The following ADAMTS17 variants were observed in gnomAD, a reference collection of about 807,000 sequenced individuals.
ADAMTS17 encodes ADAM metallopeptidase with thrombospondin type 1 motif 17.
In ADAMTS17, 113 loss-of-function variants were observed where a neutral mutation model predicts 141.5. That is an observed-to-expected ratio of 0.80 (90% CI 0.69 to 0.93). The LOEUF is 0.93. ADAMTS17 is among the 40% of genes least tolerant of loss of function. The probability of loss-of-function intolerance (pLI) is 0.00; values close to 1 mark genes in which losing one functional copy is unlikely to be tolerated. For missense variants in ADAMTS17, 1,659 were observed against 1,517.9 expected (o/e 1.09, Z -1.54); for synonymous variants, 768 against 630.6 (o/e 1.22, Z -3.27).
intron 7 of ADAMTS17, among the ~76,000 whole-genome samples, chr15:100,251,170 A>G (rs2043141405): frequency 6.6e-6 from 1 of 152,246 alleles, no homozygotes; most frequent in Admixed American, 6.5e-5. Flanking sequence ...ATCAGGAGAT[A>G]GGCTGGTTCT....
intron 20 of ADAMTS17, among the ~76,000 whole-genome samples, chr15:99,984,858 A>G (rs2060553231): frequency 6.6e-6 from 1 of 152,198 alleles, no homozygotes; most frequent in Non-Finnish European, 1.5e-5. Flanking sequence ...GGGGCATGGG[A>G]TGACCAGGCT....
chr15:100,091,959 T>C (rs955183383), intron 15 of ADAMTS17, among the ~76,000 whole-genome samples: 1 of 152,216 alleles, frequency 6.6e-6, no homozygotes, highest in Non-Finnish European at 1.5e-5. Context: ...GGCTAGACTG[T>C]GCCTTGGTTC....
chr15:100,198,727 T>A lies in ADAMTS17; in HGVS notation c.1181+591A>T, dbSNP rs188801289. Among the ~76,000 whole-genome samples the A allele has an allele frequency of 6.6e-5, 10 of 152,266 alleles. No homozygotes were observed. The East Asian group carries it at 1.7e-3, about 26-fold the overall frequency. On this transcript the variant is annotated intron_variant, in intron 8 of 21. Coordinates refer to ENST00000268070, the MANE Select transcript of ADAMTS17 (RefSeq NM_139057.4). ...ATGGTCACAACCTGGGGCCAGCCACTCAACAACCCCTCTGACGCTCTGTTT... is the reference window on the plus strand; with the variant it reads ...ATGGTCACAACCTGGGGCCAGCCACACAACAACCCCTCTGACGCTCTGTTT...
intron 3 of ADAMTS17, among the ~76,000 whole-genome samples, chr15:100,311,926 G>T (rs73485936): frequency 6.6e-6 from 1 of 152,136 alleles, no homozygotes; most frequent in Non-Finnish European, 1.5e-5. Flanking sequence ...GACGGATCAA[G>T]AATGCATGGT....
intron 20 of ADAMTS17, among the ~76,000 whole-genome samples, chr15:99,990,897 C>A (rs778338308): frequency 2.0e-5 from 3 of 152,120 alleles, no homozygotes; most frequent in Non-Finnish European, 4.4e-5. Context: ...CTTTGACAAC[C>A]CTGACAAAAA....
At chr15:100,333,098 A>G (rs1284756298) in intron 2 of ADAMTS17, among the ~76,000 whole-genome samples, 2 of 152,062 alleles carry the variant, frequency 1.3e-5, no homozygotes, top group African/African-American at 2.4e-5. Context: ...AATACCCACC[A>G]GCCTTCCTTC....
chr15:100,212,539 C>A (rs1200641771), intron 7 of ADAMTS17, among the ~76,000 whole-genome samples: 2 of 151,966 alleles, frequency 1.3e-5, no homozygotes, highest in Non-Finnish European at 2.9e-5. Context: ...TCCATAACCT[C>A]AGAAAGGTTA....
chr15:100,194,102 C>T (rs368783365), intron 8 of ADAMTS17, among the ~76,000 whole-genome samples: 9 of 152,214 alleles, frequency 5.9e-5, no homozygotes, highest in African/African-American at 2.2e-4. Context: ...ATATCCTCTT[C>T]GTTTTTCTGA....
intron 7 of ADAMTS17, among the ~76,000 whole-genome samples, chr15:100,249,658 C>T (rs998146105): frequency 1.9e-4 from 29 of 152,190 alleles, no homozygotes; most frequent in African/African-American, 6.3e-4. Context: ...CCCAGCCTGG[C>T]GGCAGCCCCC....
At chr15:100,234,518 T>C (rs2042593154) in intron 7 of ADAMTS17, among the ~76,000 whole-genome samples, 1 of 152,206 alleles carries the variant, frequency 6.6e-6, no homozygotes, top group African/African-American at 2.4e-5. Context: ...TCCCTGCTTT[T>C]CCAATTCCCT....
chr15:100,247,593 C>T (rs538445291), intron 7 of ADAMTS17, among the ~76,000 whole-genome samples: 4 of 152,266 alleles, frequency 2.6e-5, no homozygotes, highest in African/African-American at 7.2e-5. Flanking sequence ...CACAGTCAGA[C>T]GGGCCCGTTT....
At chr15:100,282,119 A>G (rs796385968) in intron 3 of ADAMTS17, among the ~76,000 whole-genome samples, 1 of 152,352 alleles carries the variant, frequency 6.6e-6, no homozygotes, top group African/African-American at 2.4e-5. Context: ...CTACAGGTCC[A>G]AATCTGCCAT....
At chr15:100,306,891 G>T (rs1771380629) in intron 3 of ADAMTS17, among the ~76,000 whole-genome samples, 1 of 152,146 alleles carries the variant, frequency 6.6e-6, no homozygotes, top group Non-Finnish European at 1.5e-5. Flanking sequence ...TCTTAGAAGG[G>T]CCTTTCACCT....
intron 4 of ADAMTS17, among the ~76,000 whole-genome samples, chr15:100,278,083 C>G (rs2044158728): frequency 6.6e-6 from 1 of 151,900 alleles, no homozygotes; most frequent in African/African-American, 2.4e-5. Flanking sequence ...TATGAGGTAT[C>G]TAGAGTCATC....
chr15:100,251,135 G>A (rs956892245), intron 7 of ADAMTS17, among the ~76,000 whole-genome samples: 2 of 152,270 alleles, frequency 1.3e-5, no homozygotes, highest in East Asian at 1.9e-4. Context: ...AATCACTGAG[G>A]TATTAGAAAG....
chr15:100,095,802 G>A (rs1200611485), intron 15 of ADAMTS17, among the ~76,000 whole-genome samples: 3 of 152,110 alleles, frequency 2.0e-5, no homozygotes, highest in South Asian at 2.1e-4. Flanking sequence ...CCCATCAACC[G>A]AATCCTGGCA....
chr15:100,146,083 G>A (rs2038889767), intron 10 of ADAMTS17, among the ~76,000 whole-genome samples: 1 of 152,232 alleles, frequency 6.6e-6, no homozygotes, highest in South Asian at 2.1e-4. Flanking sequence ...TGAGACAGGA[G>A]AATCACTTGA....
At chr15:100,272,807 G>T (rs72633236) in intron 4 of ADAMTS17, among the ~76,000 whole-genome samples, 26,008 of 150,874 alleles carry the variant, frequency 0.17, 2,442 homozygotes, top group East Asian at 0.35. Context: ...CTTTCACCAC[G>T]GAGTGTATTA....
chr15:100,000,904 A>T (rs2060907732), intron 18 of ADAMTS17, among the ~76,000 whole-genome samples: 1 of 152,194 alleles, frequency 6.6e-6, no homozygotes, highest in Non-Finnish European at 1.5e-5. Flanking sequence ...AAATGAATAA[A>T]AACGTATGCT....
Sources: gnomAD v4.1 joint callset for allele counts (sites outside exome capture counted in the v4.1 genomes callset) on GRCh38, gnomAD v4.1.1 for gene constraint, MANE v1.5 for transcripts, NCBI Gene and HGNC (gene_info 2026-07-23, HGNC 2026-07-21) for gene names.